SLFN12: variants seen among roughly 807,000 people sequenced by gnomAD.
SLFN12 encodes ribonuclease SLFN12.
In SLFN12, 25 loss-of-function variants were observed where a neutral mutation model predicts 29.1. That is an observed-to-expected ratio of 0.86 (90% CI 0.63 to 1.20). SLFN12 has a LOEUF of 1.20. SLFN12 is among the 50% of genes most tolerant of loss of function. The pLI is 0.00. For missense variants in SLFN12, 660 were observed against 666.2 expected, an observed-to-expected ratio of 0.99 and a Z score of 0.10; for synonymous variants, 257 against 238.7, an observed-to-expected ratio of 1.08 and a Z score of -0.71.
At position 35,422,289 on chromosome 17, in the gene SLFN12, A is replaced by G. The variant is rs895612952; in HGVS notation, c.740T>C (p.Ile247Thr). Residue 247 changes from isoleucine to threonine, a missense_variant, in exon 2 of 4, where the codon ATA becomes ACA. Coordinates refer to ENST00000304905, the MANE Select transcript of SLFN12 (RefSeq NM_018042.5). ...ACTCATCTCTGCTTTAAAGCCAATT[A>G]TTTCTTTATCTTCATTTAAACCAAT... ...LFIGLNEDKE[I>T]IGFKAEMSDL... The G allele has an allele frequency of 3.1e-6, 5 of 1,613,682 alleles. No homozygotes were observed. The highest frequency in any genetic ancestry group is 1.7e-5 in the Admixed American group (1 of 59,940).
chr17:35,420,283 G>A lies in SLFN12; in HGVS notation c.1138C>T (p.His380Tyr), dbSNP rs1911545954. 6.2e-7 allele frequency: 1 copy of A among 1,610,860 alleles called. No individual in the cohort carries two copies. Among genetic ancestry groups the A allele is most frequent in the African/African-American group, 1.3e-5 (1 of 74,838 alleles). The change falls in exon 3 of 4, where the codon CAC becomes TAC. Residue 380 changes from histidine (H) to tyrosine (Y), a missense_variant. His to Tyr is a moderately conservative substitution (Grantham distance 83). Coordinates refer to ENST00000304905, the MANE Select transcript of SLFN12 (RefSeq NM_018042.5). ...PLLEWQRQRH[H>Y]CPGLSGRITY... is the part of the protein sequence containing the mutation. ...GCCAGAATGAAATTACCTGGACAGT[G>A]ATGTCTCTGCCGTTGCCATTCCAAA...
Position 35,431,544 on chromosome 17 carries a change from T to C in SLFN12, c.-41+644A>G, listed in dbSNP as rs371187836. On this transcript the variant is annotated intron_variant, in intron 1 of 3. Transcript: ENST00000304905. ...ACCAAAGGAACCCCCTTGGAGAGGC[T>C]GAGGTCCAAAGGATCCTCCAGAGCA... 2.0e-5 allele frequency among the ~76,000 whole-genome samples: 3 copies of C among 152,270 alleles called. No individual in the cohort carries two copies. In the South Asian group the frequency reaches 6.2e-4, roughly 32 times the overall value.
At chr17:35,427,822 T>A (rs1307250309) in intron 1 of SLFN12, among the ~76,000 whole-genome samples, 1 of 152,128 alleles carries the variant, frequency 6.6e-6, no homozygotes, top group Non-Finnish European at 1.5e-5. Context: ...TATTTCAATG[T>A]TTGGGTATGC....
chr17:35,411,881 T>C lies in SLFN12; in HGVS notation c.1194A>G (p.Lys398=), dbSNP rs1177724197. ...TAAGTCCTTCATGTTGTAAGAACAG[T>C]TTTCTGCAAAGGTTTTCTGGAGTAT... The part of the protein sequence containing the change: ...ITYTPENLCR[K]LFLQHEGLKQ... The change falls in exon 4 of 4, where the codon AAA becomes AAG. Residue 398 remains lysine (K), a synonymous_variant. Coordinates refer to ENST00000304905, the MANE Select transcript of SLFN12 (RefSeq NM_018042.5). 1 of 1,613,080 alleles carries C rather than the reference T, an allele frequency of 6.2e-7. No individual in the cohort carries two copies.
Position 35,422,591 on chromosome 17 carries a change from G to A in SLFN12, c.438C>T (p.Leu146=), listed in dbSNP as rs771289257. 2 of 1,613,970 alleles carry A rather than the reference G, an allele frequency of 1.2e-6. No individual in the cohort carries two copies. The highest frequency in any genetic ancestry group is 1.7e-5 in the Admixed American group (1 of 60,002). ...VMNATAALEF[L]KDMKKTRGRL... is the part of the protein sequence containing the mutation. ...TCCCTCTAGTCTTTTTCATGTCTTT[G>A]AGGAACTCCAGTGCAGCAGTGGCAT... The change falls in exon 2 of 4, where the codon CTC becomes CTT. Residue 146 remains leucine (L), a synonymous_variant. Transcript: ENST00000304905.
At chr17:35,414,471 A>C (rs1376507084) in intron 3 of SLFN12, among the ~76,000 whole-genome samples, 2 of 152,098 alleles carry the variant, frequency 1.3e-5, no homozygotes, top group African/African-American at 4.8e-5. Context: ...GACACAAATA[A>C]ATGGAAAGAT....
In SLFN12 at chr17:35,422,191, T is replaced by C. The variant is rs1340313754; in HGVS notation, c.838A>G (p.Lys280Glu). ...KMPVHHFCMEKKKINYSCKFL... is the reference protein window; with the variant it reads ...KMPVHHFCMEEKKINYSCKFL... Reference sequence around the variant, plus strand: ...TTGCATGAATAATTTATCTTCTTCTTCTCCATACAGAAGTGATGCACAGGC... The same window carrying C: ...TTGCATGAATAATTTATCTTCTTCTCCTCCATACAGAAGTGATGCACAGGC... The change falls in exon 2 of 4, where the codon AAG becomes GAG. Residue 280 changes from lysine (K) to glutamate (E), a missense_variant. Lys to Glu is a moderately conservative substitution (Grantham distance 56). Coordinates refer to ENST00000304905, the MANE Select transcript of SLFN12 (RefSeq NM_018042.5). The C allele has an allele frequency of 3.1e-6, 5 of 1,614,028 alleles. No homozygotes were observed. Among genetic ancestry groups the C allele is most frequent in the Non-Finnish European group, 4.2e-6 (5 of 1,180,014 alleles).
chr17:35,424,034 G>A (rs1472410274), intron 1 of SLFN12, among the ~76,000 whole-genome samples: 3 of 151,996 alleles, frequency 2.0e-5, no homozygotes, highest in Admixed American at 6.5e-5. Context: ...TTGTTATGGC[G>A]GCCTAAACAA....
At chr17:35,413,817 G>A (rs753652138) in intron 3 of SLFN12, among the ~76,000 whole-genome samples, 1 of 150,710 alleles carries the variant, frequency 6.6e-6, no homozygotes, top group Non-Finnish European at 1.5e-5. Flanking sequence ...TGGGATGCAA[G>A]CATAGTATAA....
At chr17:35,420,511 T>C (rs1236104031) in intron 2 of SLFN12, 130 bp from the exon 3 acceptor site, 1 of 595,290 alleles carries the variant, frequency 1.7e-6, no homozygotes, top group Non-Finnish European at 2.8e-6. Context: ...ATGTTAGATA[T>C]TGTGGTTAGA....
intron 1 of SLFN12, among the ~76,000 whole-genome samples, chr17:35,429,496 T>C (rs971814217): frequency 6.6e-6 from 1 of 152,124 alleles, no homozygotes; most frequent in Non-Finnish European, 1.5e-5. Context: ...GGTTTACAGG[T>C]TAGATGTTTC....
At chr17:35,417,219 G>T (rs1017396858) in intron 3 of SLFN12, among the ~76,000 whole-genome samples, 1 of 152,020 alleles carries the variant, frequency 6.6e-6, no homozygotes, top group South Asian at 2.1e-4. Flanking sequence ...ACCGAACTGA[G>T]TTTGTTCCAG....
At chr17:35,421,233 T>C (rs1911621008) in intron 2 of SLFN12, among the ~76,000 whole-genome samples, 1 of 147,648 alleles carries the variant, frequency 6.8e-6, no homozygotes, top group Non-Finnish European at 1.5e-5. Flanking sequence ...AATAAATAAA[T>C]AAATAAATAA....
rs1911723215 is a variant in SLFN12, at chr17:35,422,380, G to A, written c.649C>T (p.Arg217Ter). 3.7e-6 allele frequency: 6 copies of A among 1,613,860 alleles called. No individual in the cohort carries two copies. The highest frequency in any genetic ancestry group is 1.3e-5 in the African/African-American group (1 of 75,030). The change falls in exon 2 of 4, where the codon CGA becomes TGA. Residue 217 changes from arginine to a stop codon, truncating the protein, a stop_gained. Coordinates refer to ENST00000304905, the MANE Select transcript of SLFN12 (RefSeq NM_018042.5). LOFTEE classifies it high-confidence loss of function. ...KNFSTEKLLQRIKEILPQYVS... is the reference protein window; with the variant it reads ...KNFSTEKLLQ Reference sequence around the variant, plus strand: ...TATTGAGGGAGAATCTCTTTAATTCGTTGTAACAACTTTTCTGTCGAGAAG... The same window carrying A: ...TATTGAGGGAGAATCTCTTTAATTCATTGTAACAACTTTTCTGTCGAGAAG...
At chr17:35,414,122 A>G (rs78879878) in intron 3 of SLFN12, among the ~76,000 whole-genome samples, 244 of 152,238 alleles carry the variant, frequency 1.6e-3, no homozygotes, top group Non-Finnish European at 2.8e-3. Context: ...TGGAAGTCCT[A>G]GCCAGAGCAA....
chr17:35,425,057 G>A (rs574852126), intron 1 of SLFN12, among the ~76,000 whole-genome samples: 14 of 152,052 alleles, frequency 9.2e-5, no homozygotes, highest in Non-Finnish European at 1.8e-4. Flanking sequence ...GGAGACTGAA[G>A]TGGGAGGATC....
intron 3 of SLFN12, among the ~76,000 whole-genome samples, chr17:35,419,499 G>A (rs770981933): frequency 3.7e-4 from 57 of 152,044 alleles, no homozygotes; most frequent in Non-Finnish European, 7.6e-4. Context: ...AATATATATG[G>A]CCAGTAAGTA....
Position 35,422,076 on chromosome 17 carries a change from T to C in SLFN12, c.953A>G (p.Glu318Gly). 1 of 1,614,072 alleles carries C rather than the reference T, an allele frequency of 6.2e-7. No individual in the cohort carries two copies. The highest frequency in any genetic ancestry group is 8.5e-7 in the Non-Finnish European group (1 of 1,180,006). ...ATCTTTCACATGCCAGGAATCAGGC[T>C]CTTTAGCAAACACTGCACAGCAGAA... ...ERFCCAVFAK[E>G]PDSWHVKDNR... The change falls in exon 2 of 4, where the codon GAG (glutamate) becomes GGG (glycine). Residue 318 changes from glutamate to glycine, a missense_variant. By Grantham distance (98) the Glu-to-Gly change is moderately conservative (BLOSUM62 -2). Coordinates refer to ENST00000304905, the MANE Select transcript of SLFN12 (RefSeq NM_018042.5).
chr17:35,422,964 G>T lies in SLFN12; in HGVS notation c.65C>A (p.Thr22Asn). Reference protein sequence around the residue: ...AELVLDVGRVTLGENSRKKMK... With the variant: ...AELVLDVGRVNLGENSRKKMK... ...TTTTTTCCTACTGTTCTCTCCAAGA[G>T]TGACTCTTCCCACATCTAGAACCAA... is the stretch of plus-strand genomic sequence containing the variant. The change falls in exon 2 of 4, where the codon ACT becomes AAT. Residue 22 changes from threonine (T) to asparagine (N), a missense_variant. Physicochemically the swap from Thr to Asn is moderately conservative, Grantham distance 65. Coordinates refer to ENST00000304905, the MANE Select transcript of SLFN12 (RefSeq NM_018042.5). 1 of 1,613,662 alleles carries T rather than the reference G, an allele frequency of 6.2e-7. No individual in the cohort carries two copies. The highest frequency in any genetic ancestry group is 8.5e-7 in the Non-Finnish European group (1 of 1,179,962).
Sources: gnomAD v4.1 joint callset for allele counts (sites outside exome capture counted in the v4.1 genomes callset) on GRCh38, gnomAD v4.1.1 for gene constraint, MANE v1.5 for transcripts, NCBI Gene and HGNC (gene_info 2026-07-23, HGNC 2026-07-21) for gene names.